SLC30A9: variants seen among roughly 807,000 people sequenced by gnomAD.
SLC30A9 encodes solute carrier family 30 member 9.
In SLC30A9, 58 loss-of-function variants were observed where a neutral mutation model predicts 87.5. That is an observed-to-expected ratio of 0.66 (90% confidence interval 0.54 to 0.82). The LOEUF is 0.82. SLC30A9 is among the 40% of genes least tolerant of loss of function. The pLI, the probability that SLC30A9 is intolerant of heterozygous loss-of-function variation, is 0.00. For missense variants in SLC30A9, 557 were observed against 679.1 expected (o/e 0.82, Z 2.00); for synonymous variants, 234 against 233.0 (o/e 1.00, Z -0.04).
At chr4:42,063,239 AT>A in intron 11 of SLC30A9, 118 bp downstream of exon 11, 2 of 850,358 alleles carry the variant, frequency 2.4e-6, no homozygotes, top group Non-Finnish European at 1.8e-6. Flanking sequence ...TTGACTGTGT[AT>A]TGTAGGGTTA....
chr4:42,020,003 T>C (rs12650557), intron 3 of SLC30A9, among the ~76,000 whole-genome samples: 2 of 152,158 alleles, frequency 1.3e-5, no homozygotes, highest in East Asian at 3.9e-4. Context: ...TTTCACCATG[T>C]TGGCCAGGCT....
Position 42,062,917 on chromosome 4 carries a change from A to G in SLC30A9, c.897-69A>G, listed in dbSNP as rs560107706. 1.0e-5 allele frequency: 14 copies of G among 1,343,344 alleles called. No individual in the cohort carries two copies. The African/African-American group carries it at 1.7e-4, about 17-fold the overall frequency. 83.2% of individuals were successfully genotyped at this position (1,343,344 alleles called of 1,614,324 possible). ...TATTGTTAGTCTTTTTCATTGACCT[A>G]TTAAGCACATATATTTTAAAAGAAA... On this transcript the variant is annotated intron_variant, in intron 10 of 17. Transcript: ENST00000264451.
intron 9 of SLC30A9, among the ~76,000 whole-genome samples, chr4:42,050,089 A>T (rs997280889): frequency 6.6e-6 from 1 of 152,288 alleles, no homozygotes; most frequent in South Asian, 2.1e-4. Context: ...GAGAACTTCA[A>T]TGAGAGACAC....
chr4:42,065,339 A>AT lies in SLC30A9; in HGVS notation c.1063dup (p.Ser355PhefsTer2). ...ATTGTATTTTAGCAGGATCATTAGT[A>AT]TCTGAAGGAGGTATGTACTGTCACA... On this transcript the variant is annotated frameshift_variant, in exon 12 of 18. Coordinates refer to ENST00000264451, the MANE Select transcript of SLC30A9 (RefSeq NM_006345.4). LOFTEE classifies it high-confidence loss of function. The AT allele has an allele frequency of 7.3e-7, 1 of 1,368,880 alleles. No homozygotes were observed. Among genetic ancestry groups the AT allele is most frequent in the South Asian group, 1.2e-5 (1 of 85,900 alleles). The allele number at this position is 1,368,880 out of a possible 1,614,324, so 84.8% of individuals were successfully genotyped here.
chr4:42,002,999 A>G (rs1242004793), intron 2 of SLC30A9, among the ~76,000 whole-genome samples: 1 of 152,142 alleles, frequency 6.6e-6, no homozygotes, highest in Admixed American at 6.5e-5. Flanking sequence ...TCTGAAGTAG[A>G]CATTTAAGCC....
chr4:42,008,248 T>C (rs1715298271), intron 2 of SLC30A9, among the ~76,000 whole-genome samples: 1 of 152,204 alleles, frequency 6.6e-6, no homozygotes, highest in South Asian at 2.1e-4. Context: ...AGTTTAAATG[T>C]CAGCTCTGCA....
intron 6 of SLC30A9, among the ~76,000 whole-genome samples, chr4:42,027,463 A>AC (rs1475545997): frequency 1.2e-5 from 1 of 85,818 alleles, no homozygotes; most frequent in Non-Finnish European, 3.0e-5. Context: ...CTTGTACATG[A>AC]CCTTTTTTTT....
At chr4:42,047,691 A>G (rs1717221695) in intron 8 of SLC30A9, among the ~76,000 whole-genome samples, 1 of 152,204 alleles carries the variant, frequency 6.6e-6, no homozygotes, top group Admixed American at 6.5e-5. Context: ...AGGATCTAGA[A>G]CCGGAAATAC....
chr4:42,084,624 A>G (rs1035963789), intron 17 of SLC30A9, among the ~76,000 whole-genome samples: 3 of 152,150 alleles, frequency 2.0e-5, no homozygotes, highest in Non-Finnish European at 4.4e-5. Flanking sequence ...GGCATGCGCC[A>G]CTATGCCCAG....
At chr4:42,043,604 G>T (rs1232097683) in intron 8 of SLC30A9, among the ~76,000 whole-genome samples, 1 of 152,224 alleles carries the variant, frequency 6.6e-6, no homozygotes, top group Non-Finnish European at 1.5e-5. Context: ...TGGTGTACCT[G>T]AAAGTGACTG....
intron 8 of SLC30A9, among the ~76,000 whole-genome samples, chr4:42,047,534 A>G (rs539232055): frequency 5.3e-5 from 8 of 152,338 alleles, no homozygotes; most frequent in Non-Finnish European, 5.9e-5. Context: ...ATGAGATTCT[A>G]TCTCACGCCA....
At chr4:42,008,787 C>T (rs1350200429) in intron 2 of SLC30A9, among the ~76,000 whole-genome samples, 2 of 152,206 alleles carry the variant, frequency 1.3e-5, no homozygotes, top group Non-Finnish European at 2.9e-5. Context: ...TTTACAGATT[C>T]CTTGAGAAAC....
chr4:41,999,084 G>GC (rs1349835618), intron 1 of SLC30A9, among the ~76,000 whole-genome samples: 4 of 152,148 alleles, frequency 2.6e-5, no homozygotes, highest in Non-Finnish European at 5.9e-5. Context: ...AAATAGAACA[G>GC]TTTGAGCATT....
intron 2 of SLC30A9, among the ~76,000 whole-genome samples, chr4:42,017,205 T>C (rs1715757654): frequency 6.6e-6 from 1 of 152,190 alleles, no homozygotes; most frequent in South Asian, 2.1e-4. Context: ...TTTTCAAATG[T>C]TTATTGGTTA....
chr4:42,077,935 C>G (rs934676009), intron 16 of SLC30A9, among the ~76,000 whole-genome samples: 1 of 151,756 alleles, frequency 6.6e-6, no homozygotes, highest in African/African-American at 2.4e-5. Context: ...CATAGGGATT[C>G]AATTTTTTTT....
At chr4:42,051,910 A>G (rs942021534) in intron 9 of SLC30A9, among the ~76,000 whole-genome samples, 8 of 151,744 alleles carry the variant, frequency 5.3e-5, no homozygotes, top group Non-Finnish European at 1.0e-4. Context: ...GAGAGGGAAA[A>G]AACCCTACAG....
intron 4 of SLC30A9, 70 bp downstream of exon 4, chr4:42,020,585 T>C: frequency 1.2e-6 from 1 of 812,586 alleles, no homozygotes; most frequent in Non-Finnish European, 2.0e-6. Flanking sequence ...TTTCTTAGAG[T>C]GTGTTACCTG....
At chr4:41,996,897 G>T (rs987096878) in intron 1 of SLC30A9, among the ~76,000 whole-genome samples, 24 of 151,938 alleles carry the variant, frequency 1.6e-4, no homozygotes, top group African/African-American at 5.3e-4. Flanking sequence ...AGTCAGGCGT[G>T]GTGGCACATG....
chr4:42,077,493 C>T (rs1304736175), intron 16 of SLC30A9, among the ~76,000 whole-genome samples: 1 of 152,070 alleles, frequency 6.6e-6, no homozygotes, highest in African/African-American at 2.4e-5. Flanking sequence ...CAACCTCCGC[C>T]CCCCAGGTTC....
Sources: allele counts gnomAD v4.1 joint callset (sites outside exome capture counted in the v4.1 genomes callset), GRCh38; gene constraint gnomAD v4.1.1; transcripts MANE v1.5; gene names NCBI Gene and HGNC (gene_info 2026-07-23, HGNC 2026-07-21).